The following DDX60 variants were observed in gnomAD, a reference collection of about 807,000 sequenced individuals.
The protein encoded by DDX60 is DExD/H-box helicase 60.
In DDX60, 165 loss-of-function variants were observed where a neutral mutation model predicts 212.8. That is an observed-to-expected ratio of 0.78 (90% CI 0.68 to 0.88). The LOEUF is 0.88. Among genes scored for constraint, DDX60 ranks in the 40% least tolerant of loss-of-function variants. The pLI, the probability that DDX60 is intolerant of heterozygous loss-of-function variation, is 0.00. For missense variants in DDX60, 1,905 were observed against 2,003.9 expected, an observed-to-expected ratio of 0.95 and a Z score of 0.94; for synonymous variants, 703 against 685.3, an observed-to-expected ratio of 1.03 and a Z score of -0.40.
rs1367244360 is a variant in DDX60, at chr4:168,308,091, T to C, written c.179A>G (p.Gln60Arg). ...CICEISFKPG[Q>R]NLHFFYLVER... is the part of the protein sequence containing the mutation. The stretch of plus-strand genomic sequence containing the variant: ...AACCAGATAGAAGAAATGGAGGTTC[T>C]GCCCAGGCTTAAATGATATCTCACA... The change falls in exon 4 of 38, where the codon CAG becomes CGG. Residue 60 changes from glutamine (Q) to arginine (R), a missense_variant. Coordinates refer to ENST00000393743, the MANE Select transcript of DDX60 (RefSeq NM_017631.6). The C allele has an allele frequency of 6.2e-7, 1 of 1,612,056 alleles. No homozygotes were observed. The highest frequency in any genetic ancestry group is 2.2e-5 in the East Asian group (1 of 44,754).
chr4:168,252,508 C>A lies in DDX60; in HGVS notation c.3705+1G>T. ...AGAACGATCAGGTTGTAAGTGCTGA[C>A]CTCAGTGTCCACTGCTTTTTGATCA... is the stretch of plus-strand genomic sequence containing the variant. On this transcript the variant is annotated splice_donor_variant, in intron 27 of 37. Coordinates refer to ENST00000393743, the MANE Select transcript of DDX60 (RefSeq NM_017631.6). LOFTEE classifies it high-confidence loss of function. 6.2e-7 allele frequency: 1 copy of A among 1,613,416 alleles called. No homozygotes were observed. Among genetic ancestry groups the A allele is most frequent in the Non-Finnish European group, 8.5e-7 (1 of 1,179,804 alleles).
chr4:168,291,614 G>T (rs1025388709), intron 8 of DDX60, 134 bp downstream of exon 8: 18 of 605,352 alleles, frequency 3.0e-5, no homozygotes, highest in Non-Finnish European at 3.9e-5. Flanking sequence ...GAAAGTGACT[G>T]ATGTAGCCCA....
intron 9 of DDX60, 43 bp downstream of exon 9, chr4:168,288,131 T>G: frequency 8.0e-7 from 1 of 1,255,948 alleles, no homozygotes; most frequent in Non-Finnish European, 1.1e-6. Flanking sequence ...TTATAAAGTT[T>G]ATCTGTGGAT....
chr4:168,324,458 GC>G, the DDX60 span, among the ~76,000 whole-genome samples: 1 of 152,208 alleles, frequency 6.6e-6, no homozygotes, highest in Non-Finnish European at 1.5e-5. Context: ...AGAGATGCCT[GC>G]CCATTTCAGT....
rs1735540007 is a variant in DDX60, at chr4:168,280,465, T to C, written c.1848A>G (p.Leu616=). The change falls in exon 14 of 38, where the codon TTA becomes TTG. Residue 616 remains leucine (L), a synonymous_variant. Transcript: ENST00000393743. ...CTTCCAGGCTCTTTATTCCAGAGTG[T>C]AAATTTTCTTTCAATTGCTCTTCAA... The part of the protein sequence containing the change: ...FSIEEQLKEN[L]HSGIKSLEDF... 1 of 1,614,054 alleles carries C rather than the reference T, an allele frequency of 6.2e-7. No homozygotes were observed. Among genetic ancestry groups the C allele is most frequent in the South Asian group, 1.1e-5 (1 of 91,092 alleles).
intron 37 of DDX60, among the ~76,000 whole-genome samples, chr4:168,217,610 A>T (rs1732895051): frequency 6.6e-6 from 1 of 151,310 alleles, no homozygotes; most frequent in Admixed American, 6.6e-5. Flanking sequence ...TAAAGTTGCG[A>T]ATCAGCTGAC....
intron 33 of DDX60, among the ~76,000 whole-genome samples, chr4:168,234,700 T>C (rs944704293): frequency 6.6e-6 from 1 of 152,120 alleles, no homozygotes; most frequent in Non-Finnish European, 1.5e-5. Context: ...TGGTCATATG[T>C]TCATGCTTAC....
intron 33 of DDX60, among the ~76,000 whole-genome samples, chr4:168,235,605 C>A (rs568501672): frequency 4.6e-5 from 7 of 151,992 alleles, no homozygotes; most frequent in East Asian, 1.9e-4. Context: ...TATACTAATT[C>A]TTTTTGTTTG....
chr4:168,246,698 T>G (rs779431878), intron 29 of DDX60, 80 bp from the exon 30 acceptor site: 6 of 1,440,816 alleles, frequency 4.2e-6, no homozygotes, highest in Non-Finnish European at 4.8e-6. Context: ...CCCTTTACTC[T>G]GGTTTGGAGC....
At chr4:168,235,030 T>C (rs1443952116) in intron 33 of DDX60, among the ~76,000 whole-genome samples, 1 of 152,122 alleles carries the variant, frequency 6.6e-6, no homozygotes, top group Non-Finnish European at 1.5e-5. Flanking sequence ...TAGCACTTCC[T>C]AACCTGCTGT....
At chr4:168,324,025 G>C in the DDX60 span, among the ~76,000 whole-genome samples, 18 of 152,174 alleles carry the variant, frequency 1.2e-4, no homozygotes, top group Non-Finnish European at 2.1e-4. Flanking sequence ...GGCTCCCCAG[G>C]TAGTGTGGAG....
chr4:168,227,483 A>G (rs1733298757), intron 33 of DDX60, among the ~76,000 whole-genome samples: 1 of 151,992 alleles, frequency 6.6e-6, no homozygotes, highest in African/African-American at 2.4e-5. Flanking sequence ...ACATTAATCA[A>G]TTTTATTATT....
At chr4:168,253,068 G>A (rs1734279228) in intron 26 of DDX60, among the ~76,000 whole-genome samples, 1 of 152,146 alleles carries the variant, frequency 6.6e-6, no homozygotes, top group African/African-American at 2.4e-5. Flanking sequence ...CTCCCAAAGT[G>A]CTGGGATTAC....
chr4:168,305,312 A>G (rs1736827870), intron 5 of DDX60, among the ~76,000 whole-genome samples: 1 of 152,176 alleles, frequency 6.6e-6, no homozygotes, highest in Non-Finnish European at 1.5e-5. Context: ...AAGCAATACA[A>G]ACTAGCTTAT....
At chr4:168,269,210 G>T (rs1232531522) in intron 19 of DDX60, among the ~76,000 whole-genome samples, 1 of 152,084 alleles carries the variant, frequency 6.6e-6, no homozygotes, top group Non-Finnish European at 1.5e-5. Context: ...TGCCAACCTA[G>T]CTACTCTCAT....
In DDX60 at chr4:168,224,251, G is replaced by A; in HGVS notation, c.4816C>T (p.Pro1606Ser). The A allele has an allele frequency of 6.2e-7, 1 of 1,612,098 alleles. No homozygotes were observed. Among genetic ancestry groups the A allele is most frequent in the Non-Finnish European group, 8.5e-7 (1 of 1,178,778 alleles). The change falls in exon 35 of 38, where the codon CCA becomes TCA. Residue 1606 changes from proline (P) to serine (S), a missense_variant. Coordinates refer to ENST00000393743, the MANE Select transcript of DDX60 (RefSeq NM_017631.6). ...CCCCACTCTTCACTTACATGGTTTG[G>A]AGTTTCTAGTCGAAGCAAATCATCA... ...FDDDLLRLET[P>S]NHVTLGTIGV...
intron 33 of DDX60, among the ~76,000 whole-genome samples, chr4:168,230,293 C>T (rs930565677): frequency 1.7e-4 from 26 of 152,116 alleles, no homozygotes; most frequent in Admixed American, 4.6e-4. Flanking sequence ...TACCCCATGA[C>T]GGCACTAGAC....
At chr4:168,318,378 T>A (rs1289473728) in intron 1 of DDX60, among the ~76,000 whole-genome samples, 2 of 152,266 alleles carry the variant, frequency 1.3e-5, no homozygotes, top group African/African-American at 4.8e-5. Flanking sequence ...CACTCCTCTC[T>A]GTCTCAGACT....
rs549983911 is a variant in DDX60 at position 168,235,979 on chromosome 4, CACCTGATATTATAATTTG to C, written c.4533+255_4533+272del. 827 of 332,226 alleles carry C rather than the reference CACCTGATATTATAATTTG, an allele frequency of 2.5e-3. 27 individuals carry two copies. The South Asian group carries it at 0.029, about 12-fold the overall frequency. The allele number at this position is 332,226 out of a possible 1,614,324, so 20.6% of individuals were successfully genotyped here. On this transcript the variant is annotated intron_variant, in intron 33 of 37. Transcript: ENST00000393743. ...ATAATTAGCATATCTTTTCTTTAGT[CACCTGATATTATAATTTG>C]ATACAATCAAATGAAAAACATGAAT...
Sources: allele counts gnomAD v4.1 joint callset (sites outside exome capture counted in the v4.1 genomes callset), GRCh38; gene constraint gnomAD v4.1.1; transcripts MANE v1.5; gene names NCBI Gene and HGNC (gene_info 2026-07-23, HGNC 2026-07-21).